The following CCNY variants were observed in gnomAD, a reference collection of about 807,000 sequenced individuals.
The protein encoded by CCNY is cyclin Y, also known as cyclin-Y.
Under a neutral mutation model 42.8 loss-of-function variants are expected in CCNY, and 19 were observed. The ratio of observed to expected loss-of-function variants is 0.44; its 90% confidence interval spans 0.31 to 0.65. CCNY has a LOEUF of 0.65. Ranked by LOEUF, CCNY falls within the 30% of genes least tolerant of loss-of-function variation. CCNY has a pLI of 0.07. For missense variants in CCNY, 370 were observed against 437.3 expected, an observed-to-expected ratio of 0.85 and a Z score of 1.37; for synonymous variants, 165 against 162.7, an observed-to-expected ratio of 1.01 and a Z score of -0.11.
chr10:35,512,851 T>C (rs749815682), intron 3 of CCNY, among the ~76,000 whole-genome samples: 70 of 151,992 alleles, frequency 4.6e-4, no homozygotes, highest in Admixed American at 1.5e-3. Context: ...GTTGAAATAG[T>C]TGGGAGGAAG....
chr10:35,347,202 A>G (rs539024195), intron 1 of CCNY, among the ~76,000 whole-genome samples: 2 of 152,298 alleles, frequency 1.3e-5, no homozygotes, highest in South Asian at 4.1e-4. Context: ...TTCACTGGGT[A>G]TGGTGTATTT....
intron 1 of CCNY, among the ~76,000 whole-genome samples, chr10:35,386,977 G>A (rs1837312864): frequency 6.6e-6 from 1 of 152,092 alleles, no homozygotes; most frequent in Admixed American, 6.6e-5. Context: ...GTGAACACCA[G>A]CAGGCCTTCA....
intron 1 of CCNY, among the ~76,000 whole-genome samples, chr10:35,415,891 A>G (rs984275757): frequency 3.9e-5 from 6 of 152,252 alleles, no homozygotes; most frequent in East Asian, 1.9e-4. Context: ...CTGACTGCAC[A>G]GATCGACAGA....
intron 1 of CCNY, among the ~76,000 whole-genome samples, chr10:35,477,796 G>C (rs1481417862): frequency 6.6e-6 from 1 of 152,154 alleles, no homozygotes; most frequent in Non-Finnish European, 1.5e-5. Flanking sequence ...AGGTCAGTTA[G>C]GCAGGAGAAG....
chr10:35,250,411 A>T (rs1390467942), intron 2 of CCNY: 3 of 152,164 alleles, frequency 2.0e-5, no homozygotes, highest in East Asian at 3.9e-4. Flanking sequence ...AAGCCATGAA[A>T]ATCAGGAGTC....
At chr10:35,282,720 CAAAAAAAA>C (rs71033390) in intron 3 of CCNY, among the ~76,000 whole-genome samples, 1 of 88,268 alleles carries the variant, frequency 1.1e-5, no homozygotes, top group East Asian at 3.1e-4. Flanking sequence ...GAGACTGTCT[CAAAAAAAA>C]AAAAAAAAAG....
intron 1 of CCNY, among the ~76,000 whole-genome samples, chr10:35,447,275 T>C (rs1440318902): frequency 6.6e-6 from 1 of 152,226 alleles, no homozygotes; most frequent in Non-Finnish European, 1.5e-5. Flanking sequence ...AGACTCCATC[T>C]AAGAAAGCTG....
At chr10:35,303,608 T>C (rs1415680079) in intron 3 of CCNY, among the ~76,000 whole-genome samples, 2 of 150,070 alleles carry the variant, frequency 1.3e-5, no homozygotes, top group African/African-American at 4.9e-5. Flanking sequence ...AGAAACCCCA[T>C]CTCTACTAAA....
intron 3 of CCNY, among the ~76,000 whole-genome samples, chr10:35,252,806 A>G (rs1301462608): frequency 1.3e-5 from 2 of 152,178 alleles, no homozygotes; most frequent in Non-Finnish European, 2.9e-5. Flanking sequence ...AGTTTTGTAT[A>G]CAACCTCTGT....
In CCNY at chr10:35,530,418, G is replaced by A. The variant is rs888401185; in HGVS notation, c.579+175G>A. Among the ~76,000 whole-genome samples the A allele has an allele frequency of 5.9e-5, 9 of 152,230 alleles. No homozygotes were observed. The highest frequency in any genetic ancestry group is 1.3e-4 in the Admixed American group (2 of 15,288). ...TGGGAGAATAGAGGATAGATATCCCGGAAGAGATTGTGAAGATTGTTCTGT... is the reference window on the plus strand; with the variant it reads ...TGGGAGAATAGAGGATAGATATCCCAGAAGAGATTGTGAAGATTGTTCTGT... On this transcript the variant is annotated intron_variant, in intron 7 of 9. Coordinates refer to ENST00000374704, the MANE Select transcript of CCNY (RefSeq NM_145012.6). This position sits in a 1 kb window ranked among gnomAD's most constrained non-coding sequence, Gnocchi z 4.3.
intron 1 of CCNY, among the ~76,000 whole-genome samples, chr10:35,353,278 G>T (rs547478629): frequency 2.6e-5 from 4 of 152,250 alleles, no homozygotes; most frequent in African/African-American, 7.2e-5. Flanking sequence ...CTTGTTCGTA[G>T]CTTAGTCCCC....
intron 2 of CCNY, among the ~76,000 whole-genome samples, chr10:35,493,588 A>ATAGT (rs1564433436): frequency 2.6e-5 from 4 of 152,228 alleles, no homozygotes; most frequent in African/African-American, 9.6e-5. Flanking sequence ...CCATGTAAGA[A>ATAGT]TAGTTAATGC....
In CCNY at chr10:35,474,104, C is replaced by T. The variant is rs551264440; in HGVS notation, c.155-9300C>T. ...CTTTTCCAACGGGCTTAAAAAACGG[C>T]GCACCACGAGATTATATCCCGCACC... On this transcript the variant is annotated intron_variant, in intron 1 of 9. Coordinates refer to ENST00000374704, the MANE Select transcript of CCNY (RefSeq NM_145012.6). Among the ~76,000 whole-genome samples the T allele has an allele frequency of 6.6e-5, 10 of 152,322 alleles. No homozygotes were observed. In the South Asian group the frequency reaches 8.3e-4, roughly 13 times the overall value.
chr10:35,568,153 G>A (rs1447741775), intron 9 of CCNY, among the ~76,000 whole-genome samples: 2 of 152,166 alleles, frequency 1.3e-5, no homozygotes, highest in Non-Finnish European at 2.9e-5. Context: ...GAATATCTGG[G>A]GCTCTGAGTC....
intron 1 of CCNY, among the ~76,000 whole-genome samples, chr10:35,461,024 G>T (rs1375972327): frequency 1.3e-5 from 2 of 152,294 alleles, no homozygotes; most frequent in East Asian, 3.9e-4. Context: ...AGGGGCTGAT[G>T]ATCCACCCAG....
intron 3 of CCNY, chr10:35,315,301 C>G (rs1260394027): frequency 6.6e-6 from 1 of 152,110 alleles, no homozygotes; most frequent in Non-Finnish European, 1.5e-5. Context: ...GTCTGTTGTT[C>G]CCCTCTTTGT....
chr10:35,340,788 G>A (rs1836162406), intron 1 of CCNY, among the ~76,000 whole-genome samples: 1 of 152,194 alleles, frequency 6.6e-6, no homozygotes, highest in African/African-American at 2.4e-5. Flanking sequence ...ACAGGGGTGA[G>A]CCACTGCTCC....
intron 1 of CCNY, among the ~76,000 whole-genome samples, chr10:35,372,258 G>C (rs1256521992): frequency 6.6e-6 from 1 of 152,194 alleles, no homozygotes; most frequent in Non-Finnish European, 1.5e-5. Flanking sequence ...AGGAGGAGTG[G>C]CTGCATTCAG....
chr10:35,374,979 A>C (rs1837018396), intron 1 of CCNY, among the ~76,000 whole-genome samples: 1 of 152,218 alleles, frequency 6.6e-6, no homozygotes, highest in South Asian at 2.1e-4. Context: ...TGACAATCTC[A>C]AGGGAAAAGA....
Sources: allele counts gnomAD v4.1 joint callset (sites outside exome capture counted in the v4.1 genomes callset), GRCh38; gene constraint gnomAD v4.1.1; non-coding constraint Gnocchi (gnomAD v3.1); transcripts MANE v1.5; gene names NCBI Gene and HGNC (gene_info 2026-07-23, HGNC 2026-07-21).